Variants in GRIP1 observed in about 807,000 individuals in gnomAD.
GRIP1 encodes the protein glutamate receptor interacting protein 1, also known as glutamate receptor-interacting protein 1.
GRIP1 carries 45 observed loss-of-function variants against 129.9 expected under a neutral mutation model. The observed-to-expected ratio is 0.35, with a 90% CI of 0.27 to 0.44. The LOEUF (loss-of-function observed/expected upper bound fraction) is 0.44, where lower values mean the gene tolerates loss of function less well. Among genes scored for constraint, GRIP1 ranks in the 20% least tolerant of loss-of-function variants. The probability of loss-of-function intolerance (pLI) is 1.00; values close to 1 mark genes in which losing one functional copy is unlikely to be tolerated. For synonymous variants in GRIP1, 530 were observed against 520.8 expected (o/e 1.02, Z -0.24); for missense variants, 1,196 against 1,396.8 (o/e 0.86, Z 2.29).
intron 1 of GRIP1, among the ~76,000 whole-genome samples, chr12:67,018,447 T>C (rs2042819779): frequency 6.6e-6 from 1 of 152,250 alleles, no homozygotes; most frequent in Non-Finnish European, 1.5e-5. Context: ...ATGGCAGCTC[T>C]GCCTTCCTCT....
chr12:66,700,926 T>G (rs2035329713), intron 1 of GRIP1, among the ~76,000 whole-genome samples: 1 of 152,120 alleles, frequency 6.6e-6, no homozygotes, highest in African/African-American at 2.4e-5. Flanking sequence ...CTGCTATGGG[T>G]CAGCCACTAT....
At position 66,679,059 on chromosome 12, in the gene GRIP1, G is replaced by T. The variant is rs1300302328; in HGVS notation, c.-155C>A. ...TTAATTCCTCTTGGCTGATGCAGAG[G>T]TCCGCTACATGTCATCTGGCAAATC... On this transcript the variant is annotated 5_prime_UTR_variant, in exon 1 of 25. Coordinates refer to ENST00000359742, the MANE Select transcript of GRIP1 (RefSeq NM_001366722.1). The T allele has an allele frequency of 2.0e-6, 3 of 1,528,520 alleles. No individual in the cohort carries two copies. Among genetic ancestry groups the T allele is most frequent in the African/African-American group, 1.4e-5 (1 of 72,572 alleles). 94.7% of individuals were successfully genotyped at this position (1,528,520 alleles called of 1,614,324 possible).
chr12:66,741,696 A>G (rs2036792141), intron 1 of GRIP1, among the ~76,000 whole-genome samples: 1 of 152,156 alleles, frequency 6.6e-6, no homozygotes, highest in Non-Finnish European at 1.5e-5. Context: ...GGTTGCTAAG[A>G]TTTGGAATCT....
intron 2 of GRIP1, among the ~76,000 whole-genome samples, chr12:66,542,725 G>C (rs1420298408): frequency 2.6e-5 from 4 of 152,196 alleles, no homozygotes; most frequent in Non-Finnish European, 5.9e-5. Context: ...AAATAAAAAT[G>C]AGTAGAGTCA....
At chr12:66,465,769 T>C (rs995450752) in intron 7 of GRIP1, among the ~76,000 whole-genome samples, 1 of 152,208 alleles carries the variant, frequency 6.6e-6, no homozygotes, top group Non-Finnish European at 1.5e-5. Flanking sequence ...AAAGGTTTTT[T>C]AAATTAATTA....
At chr12:66,721,820 C>G (rs1399815020) in intron 1 of GRIP1, among the ~76,000 whole-genome samples, 1 of 152,170 alleles carries the variant, frequency 6.6e-6, no homozygotes, top group Admixed American at 6.5e-5. Flanking sequence ...TTGCAGCTTC[C>G]ACATCAGCAC....
At chr12:66,622,725 CT>C (rs1245373008) in intron 1 of GRIP1, among the ~76,000 whole-genome samples, 2 of 152,078 alleles carry the variant, frequency 1.3e-5, no homozygotes, top group East Asian at 3.9e-4. Flanking sequence ...TGCCATCTAA[CT>C]TCAATGATCT....
At chr12:66,915,232 C>G (rs1003681641) in intron 1 of GRIP1, among the ~76,000 whole-genome samples, 5 of 151,830 alleles carry the variant, frequency 3.3e-5, no homozygotes, top group Admixed American at 6.6e-5. Context: ...AATAAATCTC[C>G]CAGAGAACTG....
intron 2 of GRIP1, among the ~76,000 whole-genome samples, chr12:66,576,920 C>T (rs1032714538): frequency 1.3e-5 from 2 of 152,170 alleles, no homozygotes; most frequent in East Asian, 3.8e-4. Flanking sequence ...AAACAAACAT[C>T]ATTATTTCAT....
chr12:66,583,054 C>G (rs1259197357), intron 2 of GRIP1, among the ~76,000 whole-genome samples: 1 of 151,196 alleles, frequency 6.6e-6, no homozygotes, highest in East Asian at 1.9e-4. Context: ...GGTACCAAAA[C>G]AGAGATATAG....
chr12:66,351,448 C>G (rs2054214743), intron 24 of GRIP1, among the ~76,000 whole-genome samples: 1 of 151,960 alleles, frequency 6.6e-6, no homozygotes. Context: ...GTGAGAGATA[C>G]TGAGATATCA....
At chr12:66,672,960 G>T (rs1260289578) in intron 1 of GRIP1, among the ~76,000 whole-genome samples, 1 of 152,102 alleles carries the variant, frequency 6.6e-6, no homozygotes, top group Non-Finnish European at 1.5e-5. Context: ...AGGAAAGCTA[G>T]GAAAGGTTGA....
At chr12:66,897,653 A>T (rs1428380109) in intron 1 of GRIP1, among the ~76,000 whole-genome samples, 2 of 152,212 alleles carry the variant, frequency 1.3e-5, no homozygotes, top group African/African-American at 4.8e-5. Context: ...AGTTGATGAA[A>T]TGGCAGTACA....
chr12:66,882,265 G>A (rs2040492524), intron 1 of GRIP1, among the ~76,000 whole-genome samples: 1 of 151,204 alleles, frequency 6.6e-6, no homozygotes, highest in Admixed American at 6.6e-5. Context: ...TACAGCATCT[G>A]AGCCAATGCA....
At chr12:66,564,680 T>G (rs1033026063) in intron 2 of GRIP1, among the ~76,000 whole-genome samples, 1 of 152,194 alleles carries the variant, frequency 6.6e-6, no homozygotes, top group Non-Finnish European at 1.5e-5. Context: ...TTTCTAGTTC[T>G]AGATCCCTGA....
chr12:66,588,836 G>A (rs1278672890), intron 2 of GRIP1, among the ~76,000 whole-genome samples: 1 of 147,784 alleles, frequency 6.8e-6, no homozygotes, highest in Non-Finnish European at 1.5e-5. Flanking sequence ...GGGCATGGTG[G>A]TGTACGTCTG....
chr12:66,679,248 G>T, upstream of GRIP1: 1 of 703,480 alleles, frequency 1.4e-6, no homozygotes, highest in Non-Finnish European at 2.0e-6. Flanking sequence ...CTAACGCTAA[G>T]CACTGAACAG....
intron 7 of GRIP1, among the ~76,000 whole-genome samples, chr12:66,478,698 A>G (rs1195393556): frequency 7.2e-6 from 1 of 139,422 alleles, no homozygotes; most frequent in East Asian, 2.2e-4. Flanking sequence ...CTATGCAGCC[A>G]TAAAAAAAAG....
At chr12:66,480,978 T>TA (rs2059786358) in intron 7 of GRIP1, among the ~76,000 whole-genome samples, 1 of 152,062 alleles carries the variant, frequency 6.6e-6, no homozygotes, top group South Asian at 2.1e-4. Context: ...ACCTAGGCAA[T>TA]ATTATTCAGG....
Sources: gnomAD v4.1 joint callset for allele counts (sites outside exome capture counted in the v4.1 genomes callset) on GRCh38, gnomAD v4.1.1 for gene constraint, MANE v1.5 for transcripts, NCBI Gene and HGNC (gene_info 2026-07-23, HGNC 2026-07-21) for gene names.